GDI2: variants seen among roughly 807,000 people sequenced by gnomAD.
GDI2 encodes the protein rab GDP dissociation inhibitor beta.
Under a neutral mutation model 54.2 loss-of-function variants are expected in GDI2, and 22 were observed. The observed-to-expected ratio is 0.41, with a 90% confidence interval of 0.29 to 0.58. The LOEUF (loss-of-function observed/expected upper bound fraction) is 0.58, where lower values mean the gene tolerates loss of function less well. Ranked by LOEUF, GDI2 falls within the 20% of genes least tolerant of loss-of-function variation. The pLI, the probability that GDI2 is intolerant of heterozygous loss-of-function variation, is 0.35. For synonymous variants in GDI2, 177 were observed against 182.1 expected, an observed-to-expected ratio of 0.97 and a Z score of 0.23; for missense variants, 422 against 546.0, an observed-to-expected ratio of 0.77 and a Z score of 2.26.
chr10:5,774,499 C>T lies in GDI2; in HGVS notation c.720-558G>A, dbSNP rs1840572876. Among the ~76,000 whole-genome samples the T allele has an allele frequency of 6.6e-6, 1 of 152,122 alleles. No homozygotes were observed. The highest frequency in any genetic ancestry group is 1.5e-5 in the Non-Finnish European group (1 of 68,022). On this transcript the variant is annotated intron_variant, in intron 6 of 10. Transcript: ENST00000380191. This position sits in a 1 kb window ranked among gnomAD's most constrained non-coding sequence, Gnocchi z 4.8. ...TTTCTTTGGCTGGAGGCGTTCAACC[C>T]CCATACACGGTTTTCTTCTCCCCTT... is the stretch of plus-strand genomic sequence containing the variant.
chr10:5,787,178 A>T (rs955547355), intron 4 of GDI2, among the ~76,000 whole-genome samples: 1 of 152,206 alleles, frequency 6.6e-6, no homozygotes, highest in Non-Finnish European at 1.5e-5. Flanking sequence ...TACATCCAAG[A>T]TCATTTTCCA....
chr10:5,770,743 A>C (rs1279953117), intron 7 of GDI2, among the ~76,000 whole-genome samples: 1 of 152,006 alleles, frequency 6.6e-6, no homozygotes, highest in Non-Finnish European at 1.5e-5. Flanking sequence ...AGGCAGGCAG[A>C]TCACCTGAGG....
At chr10:5,775,842 G>A (rs1439904575) in intron 6 of GDI2, among the ~76,000 whole-genome samples, 5 of 152,198 alleles carry the variant, frequency 3.3e-5, no homozygotes, top group South Asian at 2.1e-4. Flanking sequence ...TCATGGCACC[G>A]TGCGTGGCAG....
At chr10:5,810,831 G>T (rs1222061522) in intron 1 of GDI2, among the ~76,000 whole-genome samples, 1 of 151,680 alleles carries the variant, frequency 6.6e-6, no homozygotes, top group Non-Finnish European at 1.5e-5. Flanking sequence ...AAATCGTTTT[G>T]TATCTTCTTG....
At chr10:5,772,412 AG>A (rs1292630924) in intron 7 of GDI2, among the ~76,000 whole-genome samples, 4 of 152,238 alleles carry the variant, frequency 2.6e-5, no homozygotes, top group Non-Finnish European at 5.9e-5. Flanking sequence ...AAGATGAAAC[AG>A]GGTTATAAAG....
intron 1 of GDI2, among the ~76,000 whole-genome samples, chr10:5,805,392 G>C (rs992443762): frequency 6.9e-6 from 1 of 145,656 alleles, no homozygotes; most frequent in Non-Finnish European, 1.5e-5. Context: ...AAAAAGGTTG[G>C]CAGGATGCAG....
Position 5,800,702 on chromosome 10 carries a change from A to T in GDI2, c.49T>A (p.Cys17Ser). ...ACTGACATTATACCTGACAGGATAC[A>T]TTCCTATAGAAAAAGCATAGTACCT... ...VIVLGTGLTE[C>S]ILSGIMSVNG... The change falls in exon 2 of 11, where the codon TGT becomes AGT. Residue 17 changes from cysteine to serine, a missense_variant. By Grantham distance (112) the Cys-to-Ser change is moderately radical. Coordinates refer to ENST00000380191, the MANE Select transcript of GDI2 (RefSeq NM_001494.4). 6.8e-7 allele frequency: 1 copy of T among 1,480,294 alleles called. No homozygotes were observed. The allele number at this position is 1,480,294 out of a possible 1,614,324, so 91.7% of individuals were successfully genotyped here.
At chr10:5,796,725 C>A in intron 3 of GDI2, 38 bp downstream of exon 3, 1 of 961,970 alleles carries the variant, frequency 1.0e-6, no homozygotes, top group Non-Finnish European at 1.7e-6. Context: ...AAATTGTAAT[C>A]AAAGTACTGT....
chr10:5,777,032 G>A (rs1840637937), intron 6 of GDI2, among the ~76,000 whole-genome samples: 1 of 152,200 alleles, frequency 6.6e-6, no homozygotes, highest in Admixed American at 6.5e-5. Flanking sequence ...ACTGTGAAAT[G>A]TATCTGATTC....
chr10:5,774,070 T>A lies in GDI2; in HGVS notation c.720-129A>T, dbSNP rs1840561795. ...ATTTCCTTCTAGAAAGATGTCAGCT[T>A]AGAAGTGATTAAAGCAAGAAAACAG... On this transcript the variant is annotated intron_variant, in intron 6 of 10. Transcript: ENST00000380191. The surrounding 1 kb of genome is among the most constrained non-coding windows in gnomAD (Gnocchi z 4.8). The A allele has an allele frequency of 2.0e-6, 1 of 505,216 alleles. No individual in the cohort carries two copies. Among genetic ancestry groups the A allele is most frequent in the Admixed American group, 4.0e-5 (1 of 25,302 alleles). 31.3% of individuals were successfully genotyped at this position (505,216 alleles called of 1,614,324 possible).
Position 5,796,843 on chromosome 10 carries a change from A to G in GDI2, c.173T>C (p.Ile58Thr). The change falls in exon 3 of 11, where the codon ATA becomes ACA. Residue 58 changes from isoleucine to threonine, a missense_variant. Transcript: ENST00000380191. ...CATTGACTCGGGTGGTGATCCTGGT[A>G]TTTTAAATCTTTTGTATAACTAAAA... ...PLEDLYKRFKIPGSPPESMGR... is the reference protein window; with the variant it reads ...PLEDLYKRFKTPGSPPESMGR... The G allele has an allele frequency of 6.4e-7, 1 of 1,570,796 alleles. No homozygotes were observed.
rs778335046 is a variant in GDI2, at chr10:5,785,808, G to A, written c.587+44C>T. On this transcript the variant is annotated intron_variant, in intron 5 of 10. Transcript: ENST00000380191. Reference sequence around the variant, plus strand: ...ACTTGGAAGACTTGGGAAATTTAGTGAGAATTTCAAGAAAAATACAAATCT... The same window carrying A: ...ACTTGGAAGACTTGGGAAATTTAGTAAGAATTTCAAGAAAAATACAAATCT... The A allele has an allele frequency of 8.4e-6, 10 of 1,183,522 alleles. No homozygotes were observed. In the East Asian group the frequency reaches 1.9e-4, roughly 22 times the overall value. The allele number at this position is 1,183,522 out of a possible 1,614,324, so 73.3% of individuals were successfully genotyped here.
At chr10:5,800,489 T>C (rs565958587) in intron 2 of GDI2, 109 bp downstream of exon 2, 1 of 703,010 alleles carries the variant, frequency 1.4e-6, no homozygotes, top group South Asian at 1.6e-5. Flanking sequence ...GCTCCAGATA[T>C]TCCATTTAAC....
chr10:5,775,656 C>T (rs766754284), intron 6 of GDI2, among the ~76,000 whole-genome samples: 4 of 152,050 alleles, frequency 2.6e-5, no homozygotes, highest in Non-Finnish European at 4.4e-5. Context: ...GAGGGAAAAG[C>T]GAAGGAATCC....
intron 1 of GDI2, among the ~76,000 whole-genome samples, chr10:5,810,593 C>T (rs1841464057): frequency 6.6e-6 from 1 of 152,184 alleles, no homozygotes; most frequent in Non-Finnish European, 1.5e-5. Context: ...GTCTTCATGG[C>T]TTCACCATGT....
chr10:5,768,121 T>C lies in GDI2; in HGVS notation c.991+92A>G. ...ATGTAAACCAAGGTCTGTTCACTAA[T>C]ACAGCATACAAAATTAGGAATTTGG... is the stretch of plus-strand genomic sequence containing the variant. On this transcript the variant is annotated intron_variant, in intron 8 of 10. Coordinates refer to ENST00000380191, the MANE Select transcript of GDI2 (RefSeq NM_001494.4). The surrounding 1 kb of genome is among the most constrained non-coding windows in gnomAD (Gnocchi z 4.4). 1 of 1,044,382 alleles carries C rather than the reference T, an allele frequency of 9.6e-7. No homozygotes were observed. The highest frequency in any genetic ancestry group is 1.5e-6 in the Non-Finnish European group (1 of 684,996). 64.7% of individuals were successfully genotyped at this position (1,044,382 alleles called of 1,614,324 possible). A position where few individuals can be genotyped will look rare whatever the true frequency, so the allele number is the denominator to read the frequency against.
At chr10:5,804,138 G>A (rs780512524) in intron 1 of GDI2, among the ~76,000 whole-genome samples, 1 of 150,940 alleles carries the variant, frequency 6.6e-6, no homozygotes, top group Non-Finnish European at 1.5e-5. Flanking sequence ...CTGTTGCCCA[G>A]ACTGGAGTGC....
At chr10:5,806,119 C>T (rs1055199934) in intron 1 of GDI2, among the ~76,000 whole-genome samples, 2 of 152,196 alleles carry the variant, frequency 1.3e-5, no homozygotes, top group African/African-American at 2.4e-5. Flanking sequence ...TTTCCAAAAA[C>T]GGTTGTACCA....
chr10:5,767,543 T>C (rs1407521946), intron 8 of GDI2, among the ~76,000 whole-genome samples: 1 of 152,176 alleles, frequency 6.6e-6, no homozygotes, highest in Non-Finnish European at 1.5e-5. Flanking sequence ...CAGGCTGGTC[T>C]TGAACCCCTG....
Sources: allele counts gnomAD v4.1 joint callset (sites outside exome capture counted in the v4.1 genomes callset), GRCh38; gene constraint gnomAD v4.1.1; non-coding constraint Gnocchi (gnomAD v3.1); transcripts MANE v1.5; gene names NCBI Gene and HGNC (gene_info 2026-07-23, HGNC 2026-07-21).